Variants in PIGZ observed in about 807,000 individuals in gnomAD.
PIGZ encodes phosphatidylinositol glycan anchor biosynthesis class Z (Gwada blood group).
PIGZ carries 16 observed loss-of-function variants against 16.4 expected under a neutral mutation model. The observed-to-expected ratio is 0.97, with a 90% confidence interval of 0.66 to 1.48. The LOEUF is 1.48. Ranked by LOEUF, PIGZ falls within the 40% of genes most tolerant of loss-of-function variation. PIGZ has a pLI of 0.00. For missense variants in PIGZ, 770 were observed against 739.2 expected (o/e 1.04, Z -0.48); for synonymous variants, 409 against 338.4 (o/e 1.21, Z -2.29).
chr3:196,952,984 G>A (rs1276792463), intron 1 of PIGZ, among the ~76,000 whole-genome samples: 2 of 152,146 alleles, frequency 1.3e-5, no homozygotes, highest in Non-Finnish European at 2.9e-5. Flanking sequence ...CAGGCCGTCG[G>A]ACTAGGACTG....
chr3:196,964,504 C>T (rs1489649011), intron 1 of PIGZ, among the ~76,000 whole-genome samples: 2 of 151,974 alleles, frequency 1.3e-5, no homozygotes, highest in Admixed American at 6.6e-5. Context: ...ACTACAGGCA[C>T]GCATCACCAC....
Position 196,947,432 on chromosome 3 carries a change from C to T in PIGZ, c.1465G>A (p.Gly489Arg), listed in dbSNP as rs1358034056. 4.3e-6 allele frequency: 7 copies of T among 1,613,812 alleles called. No homozygotes were observed. The African/African-American group carries it at 6.7e-5, about 15-fold the overall frequency. Residue 489 changes from glycine (G) to arginine (R), a missense_variant, in exon 3 of 3, where the codon GGG becomes AGG. Physicochemically the swap from Gly to Arg is moderately radical, Grantham distance 125. Transcript: ENST00000412723. ...GAPVEVVDMG[G>R]TEDWALCQTL... The stretch of plus-strand genomic sequence containing the variant: ...TGGCACAGGGCCCAGTCCTCAGTCC[C>T]CCCCATGTCCACCACCTCCACTGGT...
chr3:196,947,542 G>C lies in PIGZ; in HGVS notation c.1355C>G (p.Pro452Arg), dbSNP rs200360047. ...GAGTGTGTAGTGGGTGGGTGTGCTTGGGAGCACAGGGGCATGGACCACCTG... is the reference window on the plus strand; with the variant it reads ...GAGTGTGTAGTGGGTGGGTGTGCTTCGGAGCACAGGGGCATGGACCACCTG... ...LEQVVHAPVL[P>R]STPTHYTLLF... The change falls in exon 3 of 3, where the codon CCA becomes CGA. Residue 452 changes from proline to arginine, a missense_variant. By Grantham distance (103) the Pro-to-Arg change is moderately radical (BLOSUM62 -2). Coordinates refer to ENST00000412723, the MANE Select transcript of PIGZ (RefSeq NM_025163.4). 3 of 1,613,726 alleles carry C rather than the reference G, an allele frequency of 1.9e-6. No homozygotes were observed. The highest frequency in any genetic ancestry group is 1.7e-6 in the Non-Finnish European group (2 of 1,179,992).
At chr3:196,963,659 T>C (rs1252281371) in intron 1 of PIGZ, among the ~76,000 whole-genome samples, 1 of 152,262 alleles carries the variant, frequency 6.6e-6, no homozygotes, top group Non-Finnish European at 1.5e-5. Context: ...TGATGAAGAC[T>C]CACCTCCTGG....
At chr3:196,966,840 G>A (rs1717948703) in intron 1 of PIGZ, among the ~76,000 whole-genome samples, 1 of 152,108 alleles carries the variant, frequency 6.6e-6, no homozygotes, top group African/African-American at 2.4e-5. Flanking sequence ...GGATCTGTCC[G>A]GGTGCGGGTC....
intron 1 of PIGZ, among the ~76,000 whole-genome samples, chr3:196,960,725 A>AG (rs1473473088): frequency 1.8e-4 from 8 of 44,560 alleles, no homozygotes; most frequent in East Asian, 3.6e-3. Context: ...GGAAAGAAAG[A>AG]AAAGAAAGAA....
At chr3:196,968,237 C>A (rs765749638) in intron 1 of PIGZ, among the ~76,000 whole-genome samples, 6 of 152,202 alleles carry the variant, frequency 3.9e-5, no homozygotes, top group East Asian at 1.9e-4. Context: ...TTCTCGGCTT[C>A]GTGCTCAGAG....
rs1357132430 is a variant in PIGZ at position 196,947,305 on chromosome 3, A to G, written c.1592T>C (p.Val531Ala). ...CTTGAAGGGGAAGCTGCACTTCTCC[A>G]CGGCACGCCTGGTGGTGCCAGGGGT... Reference protein sequence around the residue: ...VVTPGTTRRAVEKCSFPFKNE... With the variant: ...VVTPGTTRRAAEKCSFPFKNE... Residue 531 changes from valine to alanine, a missense_variant, in exon 3 of 3, where the codon GTG (valine) becomes GCG (alanine). By Grantham distance (64) the Val-to-Ala change is moderately conservative. Coordinates refer to ENST00000412723, the MANE Select transcript of PIGZ (RefSeq NM_025163.4). 2 of 1,614,090 alleles carry G rather than the reference A, an allele frequency of 1.2e-6. No individual in the cohort carries two copies. The highest frequency in any genetic ancestry group is 1.3e-5 in the African/African-American group (1 of 74,956).
Position 196,947,015 on chromosome 3 carries a change from A to G in PIGZ, c.*142T>C. 1.5e-6 allele frequency: 1 copy of G among 679,558 alleles called. No individual in the cohort carries two copies. The highest frequency in any genetic ancestry group is 2.4e-6 in the Non-Finnish European group (1 of 418,324). 42.1% of individuals were successfully genotyped at this position (679,558 alleles called of 1,614,324 possible). A position where few individuals can be genotyped will look rare whatever the true frequency, so the allele number is the denominator to read the frequency against. Reference sequence around the variant, plus strand: ...TCACCCAGAAGGCAGAACAGCTAACAGCCATGCCCAGGAGAGGCAGCAGTG... The same window carrying G: ...TCACCCAGAAGGCAGAACAGCTAACGGCCATGCCCAGGAGAGGCAGCAGTG... On this transcript the variant is annotated 3_prime_UTR_variant, in exon 3 of 3. Coordinates refer to ENST00000412723, the MANE Select transcript of PIGZ (RefSeq NM_025163.4).
At chr3:196,950,312 A>C (rs1717224175) in intron 2 of PIGZ, among the ~76,000 whole-genome samples, 2 of 152,168 alleles carry the variant, frequency 1.3e-5, no homozygotes, top group African/African-American at 4.8e-5. Context: ...TTGTAAGAAG[A>C]ATATATCCAA....
At position 196,948,406 on chromosome 3, in the gene PIGZ, C is replaced by G; in HGVS notation, c.491G>C (p.Gly164Ala). Residue 164 changes from glycine to alanine, a missense_variant, in exon 3 of 3, where the codon GGT becomes GCT. Physicochemically the swap from Gly to Ala is moderately conservative, Grantham distance 60. Coordinates refer to ENST00000412723, the MANE Select transcript of PIGZ (RefSeq NM_025163.4). The part of the protein sequence containing the change: ...DRWNALALLS[G>A]SYVTLVFYTR... ...GTAGAAGACCAGGGTGACGTAGGAA[C>G]CAGACAGCAGGGCCAGGGCGTTCCA... 1 of 1,614,120 alleles carries G rather than the reference C, an allele frequency of 6.2e-7. No homozygotes were observed. The highest frequency in any genetic ancestry group is 8.5e-7 in the Non-Finnish European group (1 of 1,180,010).
At chr3:196,948,715 C>A in intron 2 of PIGZ, 30 bp from the exon 3 acceptor site, 4 of 1,433,124 alleles carry the variant, frequency 2.8e-6, no homozygotes, top group Non-Finnish European at 3.7e-6. Context: ...TGAGCCAGTA[C>A]CAAGCTCAGG....
chr3:196,952,121 T>C (rs1717312074), intron 1 of PIGZ, 90 bp from the exon 2 acceptor site: 1 of 1,175,916 alleles, frequency 8.5e-7, no homozygotes. Context: ...TGTCATTTAA[T>C]AAAAATGACA....
chr3:196,958,488 G>A (rs922886630), intron 1 of PIGZ, among the ~76,000 whole-genome samples: 1 of 152,192 alleles, frequency 6.6e-6, no homozygotes, highest in South Asian at 2.1e-4. Flanking sequence ...AAAATTAGCA[G>A]GGCGTGGTGG....
intron 1 of PIGZ, among the ~76,000 whole-genome samples, chr3:196,957,981 G>A (rs2108911469): frequency 6.6e-6 from 1 of 152,298 alleles, no homozygotes; most frequent in East Asian, 1.9e-4. Context: ...GCCTGAAGTG[G>A]CCAGTGGTTT....
In PIGZ at chr3:196,947,448, C is replaced by T; in HGVS notation, c.1449G>A (p.Glu483=). 6.2e-7 allele frequency: 1 copy of T among 1,613,716 alleles called. No individual in the cohort carries two copies. The highest frequency in any genetic ancestry group is 1.7e-5 in the Admixed American group (1 of 60,030). ...CCTCAGTCCCCCCCATGTCCACCAC[C>T]TCCACTGGTGCCCCCAGGCCTGGGA... is the stretch of plus-strand genomic sequence containing the variant. ...LHLPGLGAPV[E]VVDMGGTEDW... is the part of the protein sequence containing the mutation. The change falls in exon 3 of 3, where the codon GAG becomes GAA. Residue 483 remains glutamate (E), a synonymous_variant. Coordinates refer to ENST00000412723, the MANE Select transcript of PIGZ (RefSeq NM_025163.4).
At chr3:196,949,111 G>A (rs1257513875) in intron 2 of PIGZ, among the ~76,000 whole-genome samples, 3 of 142,868 alleles carry the variant, frequency 2.1e-5, no homozygotes, top group Non-Finnish European at 3.0e-5. Flanking sequence ...GTGCGGTGGC[G>A]AGATCACAGC....
chr3:196,950,175 G>A (rs748746570), intron 2 of PIGZ, among the ~76,000 whole-genome samples: 1 of 151,968 alleles, frequency 6.6e-6, no homozygotes, highest in African/African-American at 2.4e-5. Flanking sequence ...AGTAGAGATG[G>A]GGTTTCGCCA....
chr3:196,950,010 G>C (rs1717206489), intron 2 of PIGZ, among the ~76,000 whole-genome samples: 1 of 151,452 alleles, frequency 6.6e-6, no homozygotes, highest in Non-Finnish European at 1.5e-5. Flanking sequence ...TTTTTAGACA[G>C]AGTCTCACTC....
Sources: gnomAD v4.1 joint callset for allele counts (sites outside exome capture counted in the v4.1 genomes callset) on GRCh38, gnomAD v4.1.1 for gene constraint, MANE v1.5 for transcripts, NCBI Gene and HGNC (gene_info 2026-07-23, HGNC 2026-07-21) for gene names.